The following NRF1 variants were observed in gnomAD, a reference collection of about 807,000 sequenced individuals.
NRF1 encodes nuclear respiratory factor 1, also known as alpha palindromic-binding protein.
In NRF1, 5 loss-of-function variants were observed where a neutral mutation model predicts 58.5. That is an observed-to-expected ratio of 0.09 (90% CI 0.04 to 0.18). The LOEUF is 0.18. Ranked by LOEUF, NRF1 falls within the 10% of genes least tolerant of loss-of-function variation. The pLI, the probability that NRF1 is intolerant of heterozygous loss-of-function variation, is 1.00. For synonymous variants in NRF1, 224 were observed against 246.7 expected, an observed-to-expected ratio of 0.91 and a Z score of 0.86; for missense variants, 288 against 657.7, an observed-to-expected ratio of 0.44 and a Z score of 6.15.
rs1031811728 is a variant in NRF1 at position 129,741,239 on chromosome 7, G to A, written c.1349-13779G>A. Among the ~76,000 whole-genome samples the A allele has an allele frequency of 4.6e-5, 7 of 152,134 alleles. No homozygotes were observed. The highest frequency in any genetic ancestry group is 5.9e-5 in the Non-Finnish European group (4 of 68,026). The stretch of plus-strand genomic sequence containing the variant: ...GCAGACAACTCAGGTCAGGGCTTCC[G>A]GACAGATTCCCAAGGTCCCTGCCAT... On this transcript the variant is annotated intron_variant, in intron 10 of 10. Coordinates refer to ENST00000393232, the MANE Select transcript of NRF1 (RefSeq NM_005011.5). The surrounding 1 kb of genome is among the most constrained non-coding windows in gnomAD (Gnocchi z 4.0).
Position 129,755,073 on chromosome 7 carries a change from G to A in NRF1, c.1404G>A (p.Gln468=), listed in dbSNP as rs1804220380. ...MYQTVVTSLA[Q]GNGPVQVAMA... is the part of the protein sequence containing the mutation. ...AGACTGTGGTGACCAGCCTCGCCCA[G>A]GGCAACGGACCAGTGCAGGTGGCCA... The change falls in exon 11 of 11, where the codon CAG becomes CAA. Residue 468 remains glutamine, a synonymous_variant. Coordinates refer to ENST00000393232, the MANE Select transcript of NRF1 (RefSeq NM_005011.5). This position sits in a 1 kb window ranked among gnomAD's most constrained non-coding sequence, Gnocchi z 5.8. 6.2e-7 allele frequency: 1 copy of A among 1,613,686 alleles called. No homozygotes were observed. Among genetic ancestry groups the A allele is most frequent in the African/African-American group, 1.3e-5 (1 of 74,894 alleles).
At chr7:129,738,673 A>C (rs879315512) in intron 10 of NRF1, among the ~76,000 whole-genome samples, 4 of 152,080 alleles carry the variant, frequency 2.6e-5, no homozygotes, top group Non-Finnish European at 5.9e-5. Flanking sequence ...TACAACCACC[A>C]CCACTGCCAC....
chr7:129,746,186 G>A (rs753391041), intron 10 of NRF1, among the ~76,000 whole-genome samples: 16 of 152,162 alleles, frequency 1.1e-4, no homozygotes, highest in Admixed American at 8.5e-4. Context: ...TAGGAAACAC[G>A]GAAAAGGGAG....
At chr7:129,718,448 G>A (rs1024139975) in intron 9 of NRF1, among the ~76,000 whole-genome samples, 6 of 152,224 alleles carry the variant, frequency 3.9e-5, no homozygotes, top group Admixed American at 3.9e-4. Flanking sequence ...CTTGTATACA[G>A]TAAGGGCTGA....
At chr7:129,713,200 G>A (rs931311702) in intron 8 of NRF1, among the ~76,000 whole-genome samples, 1 of 150,234 alleles carries the variant, frequency 6.7e-6, no homozygotes, top group South Asian at 2.1e-4. Context: ...AGGTTCAAGC[G>A]ATTCTTCTGC....
chr7:129,666,379 A>T lies in NRF1; in HGVS notation c.224-5050A>T, dbSNP rs536640577. Among the ~76,000 whole-genome samples, 25 of 152,214 alleles carry T rather than the reference A, an allele frequency of 1.6e-4. 1 individual carries two copies. The highest frequency in any genetic ancestry group is 1.1e-3 in the Admixed American group (17 of 15,292). The stretch of plus-strand genomic sequence containing the variant: ...TAAACAATATTTAGCATTGTTTTGC[A>T]TGTGTTAAATTTTATATTAATGGTA... On this transcript the variant is annotated intron_variant, in intron 2 of 10. Coordinates refer to ENST00000393232, the MANE Select transcript of NRF1 (RefSeq NM_005011.5).
At chr7:129,614,443 T>TTTTGTGTGTGTGTGTG (rs1491367764) in intron 1 of NRF1, among the ~76,000 whole-genome samples, 3 of 145,854 alleles carry the variant, frequency 2.1e-5, no homozygotes, top group Admixed American at 2.0e-4. Context: ...AAATATGTAT[T>TTTTGTGTGTGTGTGTG]TGTGTGTGTG....
At chr7:129,750,196 A>G (rs1376204213) in intron 10 of NRF1, among the ~76,000 whole-genome samples, 1 of 152,198 alleles carries the variant, frequency 6.6e-6, no homozygotes, top group African/African-American at 2.4e-5. Context: ...CCTGTTGCTT[A>G]ATCAATCGAA....
intron 10 of NRF1, among the ~76,000 whole-genome samples, chr7:129,734,715 G>C (rs114843637): frequency 6.6e-6 from 1 of 152,182 alleles, no homozygotes; most frequent in Non-Finnish European, 1.5e-5. Flanking sequence ...TTTTCAGTGA[G>C]CAGAGTACTT....
intron 1 of NRF1, among the ~76,000 whole-genome samples, chr7:129,631,825 G>C (rs1801056095): frequency 6.6e-6 from 1 of 152,204 alleles, no homozygotes. Context: ...ATATATTTAA[G>C]TTTACTGGAC....
At chr7:129,744,237 C>T (rs1250068109) in intron 10 of NRF1, 1 of 1,536,874 alleles carries the variant, frequency 6.5e-7, no homozygotes. Context: ...CAGGTGGGTT[C>T]ATCTTTGGGG....
At chr7:129,636,459 CCTGACCTCAAACTG>C (rs1328812882) in intron 1 of NRF1, among the ~76,000 whole-genome samples, 4 of 152,144 alleles carry the variant, frequency 2.6e-5, no homozygotes, top group Admixed American at 2.0e-4. Context: ...GTCTCAAACT[CCTGACCTCAAACTG>C]CTGACCTCAG....
At chr7:129,714,743 C>G (rs529917453) in intron 8 of NRF1, among the ~76,000 whole-genome samples, 7 of 152,314 alleles carry the variant, frequency 4.6e-5, no homozygotes, top group African/African-American at 1.7e-4. Context: ...ATGTCTCTTT[C>G]TCTGAGAGGC....
At chr7:129,719,156 G>T (rs1176084361) in intron 9 of NRF1, among the ~76,000 whole-genome samples, 2 of 151,204 alleles carry the variant, frequency 1.3e-5, no homozygotes, top group African/African-American at 4.9e-5. Context: ...ATTTGAAACG[G>T]ATTTTCACTC....
intron 3 of NRF1, among the ~76,000 whole-genome samples, chr7:129,676,083 T>A (rs971004089): frequency 6.6e-6 from 1 of 152,268 alleles, no homozygotes; most frequent in Admixed American, 6.5e-5. Context: ...TTGAACCTCA[T>A]GAACCAACCT....
In NRF1 at chr7:129,756,963, G is replaced by C. The variant is rs1477771082; in HGVS notation, c.*1782G>C. 1 of 152,572 alleles carries C rather than the reference G, an allele frequency of 6.6e-6. No individual in the cohort carries two copies. The highest frequency in any genetic ancestry group is 1.5e-5 in the Non-Finnish European group (1 of 68,044). 9.5% of individuals were successfully genotyped at this position (152,572 alleles called of 1,614,324 possible). On this transcript the variant is annotated 3_prime_UTR_variant, in exon 11 of 11. Transcript: ENST00000393232. ...GTGAAATAACCTCCAAATAGTTTGA[G>C]AAGTTGCCAAGACGAAGAAAAAAGC... is the stretch of plus-strand genomic sequence containing the variant.
chr7:129,666,867 T>G (rs923397424), intron 2 of NRF1, among the ~76,000 whole-genome samples: 1 of 152,214 alleles, frequency 6.6e-6, no homozygotes, highest in South Asian at 2.1e-4. Context: ...TCAGGTTGTT[T>G]GTAATTTTTT....
rs1160320488 is a variant in NRF1 at position 129,711,581 on chromosome 7, G to A, written c.1065+5G>A. ...TCTGCCGTGGCTGATGGAGAGGTAA[G>A]AAAGAGATTCCATCTGCATCTTCTT... On this transcript the variant is annotated splice_donor_5th_base_variant and intron_variant, in intron 8 of 10. Transcript: ENST00000393232. 1 of 1,603,214 alleles carries A rather than the reference G, an allele frequency of 6.2e-7. No individual in the cohort carries two copies. Among genetic ancestry groups the A allele is most frequent in the Non-Finnish European group, 8.5e-7 (1 of 1,172,792 alleles).
At chr7:129,742,962 T>C (rs1219185266) in intron 10 of NRF1, among the ~76,000 whole-genome samples, 1 of 152,228 alleles carries the variant, frequency 6.6e-6, no homozygotes, top group Non-Finnish European at 1.5e-5. Context: ...ACCACACTGT[T>C]TGAGGTTGGT....
Sources: gnomAD v4.1 joint callset for allele counts (sites outside exome capture counted in the v4.1 genomes callset) on GRCh38, gnomAD v4.1.1 for gene constraint, Gnocchi (gnomAD v3.1) non-coding constraint, MANE v1.5 for transcripts, NCBI Gene and HGNC (gene_info 2026-07-23, HGNC 2026-07-21) for gene names.